Variants in EPB41L2 observed in about 807,000 individuals in gnomAD.
EPB41L2 encodes the protein band 4.1-like protein 2.
In EPB41L2, 43 loss-of-function variants were observed where a neutral mutation model predicts 113.0. The observed-to-expected ratio is 0.38, with a 90% confidence interval of 0.30 to 0.49. The LOEUF (loss-of-function observed/expected upper bound fraction) is 0.49. Among genes scored for constraint, EPB41L2 ranks in the 20% least tolerant of loss-of-function variants. The pLI is 0.95. For synonymous variants in EPB41L2, 442 were observed against 436.7 expected (o/e 1.01, Z -0.15); for missense variants, 1,147 against 1,223.4 (o/e 0.94, Z 0.93).
intron 1 of EPB41L2, among the ~76,000 whole-genome samples, chr6:131,003,749 C>T (rs770126146): frequency 4.6e-5 from 7 of 152,196 alleles, no homozygotes; most frequent in Non-Finnish European, 7.4e-5. Context: ...ATTTTCACAA[C>T]AAAATCTCCC....
At chr6:130,919,572 C>A (rs1025730234) in intron 4 of EPB41L2, among the ~76,000 whole-genome samples, 2 of 152,180 alleles carry the variant, frequency 1.3e-5, no homozygotes, top group Admixed American at 6.5e-5. Flanking sequence ...CAGCCACGTT[C>A]TCCCAATGTA....
chr6:130,930,024 C>G (rs879516426), intron 3 of EPB41L2, among the ~76,000 whole-genome samples: 1 of 152,076 alleles, frequency 6.6e-6, no homozygotes, highest in African/African-American at 2.4e-5. Context: ...CCCACTCATC[C>G]CATGAGTTAT....
intron 1 of EPB41L2, among the ~76,000 whole-genome samples, chr6:130,958,400 C>T (rs761311738): frequency 1.2e-4 from 17 of 147,332 alleles, no homozygotes; most frequent in African/African-American, 3.8e-4. Flanking sequence ...TGCAGTGAGC[C>T]GAGATTGTGT....
chr6:130,973,472 T>G (rs1308768122), intron 1 of EPB41L2, among the ~76,000 whole-genome samples: 1 of 152,210 alleles, frequency 6.6e-6, no homozygotes, highest in Admixed American at 6.5e-5. Context: ...ATACTGCTAG[T>G]GTAACTGTAA....
At chr6:131,011,321 A>G (rs1786904662) in intron 1 of EPB41L2, among the ~76,000 whole-genome samples, 1 of 152,264 alleles carries the variant, frequency 6.6e-6, no homozygotes, top group Admixed American at 6.5e-5. Flanking sequence ...GGCATCAAGC[A>G]TAAAAGACCA....
rs1265734412 is a variant in EPB41L2, at chr6:130,848,197, TCTCACACACACACA to T, written c.*6-7613_*6-7600del. ...GTCTCTCTCTGTCTCTCTCTCTCTC[TCTCACACACACACA>T]CACACACACACACACACACACACAC... On this transcript the variant is annotated intron_variant, in intron 19 of 19. Coordinates refer to ENST00000337057, the MANE Select transcript of EPB41L2 (RefSeq NM_001431.4). 8.3e-3 allele frequency among the ~76,000 whole-genome samples: 1,059 copies of T among 127,798 alleles called. 16 individuals carry two copies. Among genetic ancestry groups the T allele is most frequent in the African/African-American group, 0.028 (949 of 34,292 alleles). 83.8% of individuals were successfully genotyped at this position (127,798 alleles called of 152,430 possible). A position where few individuals can be genotyped will look rare whatever the true frequency, so the allele number is the denominator to read the frequency against.
chr6:130,939,346 C>T (rs9321259), intron 3 of EPB41L2, among the ~76,000 whole-genome samples: 14 of 151,746 alleles, frequency 9.2e-5, no homozygotes, highest in African/African-American at 3.1e-4. Flanking sequence ...CTCCGCCTGT[C>T]GGGTTCAAGC....
chr6:130,995,573 C>T (rs1782898916), intron 1 of EPB41L2, among the ~76,000 whole-genome samples: 1 of 152,214 alleles, frequency 6.6e-6, no homozygotes, highest in South Asian at 2.1e-4. Flanking sequence ...TCTTCAGGAC[C>T]TCCTGGGGCT....
At chr6:130,928,789 T>A (rs1349750095) in intron 3 of EPB41L2, among the ~76,000 whole-genome samples, 1 of 152,252 alleles carries the variant, frequency 6.6e-6, no homozygotes, top group Non-Finnish European at 1.5e-5. Flanking sequence ...AAGCATTTAC[T>A]ATTACTGCAC....
intron 3 of EPB41L2, among the ~76,000 whole-genome samples, chr6:130,954,632 A>G (rs957741000): frequency 2.0e-5 from 3 of 152,190 alleles, no homozygotes; most frequent in Non-Finnish European, 4.4e-5. Context: ...GATTAAAGTG[A>G]CTTCTGTCAG....
rs1452497196 is a variant in EPB41L2 at position 130,956,512 on chromosome 6, C to CA, written c.-14-14dup. On this transcript the variant is annotated splice_polypyrimidine_tract_variant and intron_variant, in intron 1 of 19. Coordinates refer to ENST00000337057, the MANE Select transcript of EPB41L2 (RefSeq NM_001431.4). ...GCCACAGCTTATGCTGTAATCAAAA[C>CA]AAAAATCATAAAATGTCATTTTGTA... 6.4e-7 allele frequency: 1 copy of CA among 1,565,554 alleles called. No individual in the cohort carries two copies. The highest frequency in any genetic ancestry group is 8.6e-7 in the Non-Finnish European group (1 of 1,160,220).
intron 3 of EPB41L2, among the ~76,000 whole-genome samples, chr6:130,949,532 T>G (rs1256822627): frequency 6.6e-6 from 1 of 150,850 alleles, no homozygotes; most frequent in African/African-American, 2.4e-5. Context: ...GCCACTGCAC[T>G]CCAGTCTGGG....
chr6:130,859,510 C>CAAAAAA (rs780156217), intron 18 of EPB41L2, among the ~76,000 whole-genome samples: 3 of 102,578 alleles, frequency 2.9e-5, no homozygotes, highest in Non-Finnish European at 5.9e-5. Flanking sequence ...GACTTTGTCT[C>CAAAAAA]AAAAAAAAAA....
At chr6:131,039,644 T>C (rs1794049215) in intron 1 of EPB41L2, among the ~76,000 whole-genome samples, 1 of 152,200 alleles carries the variant, frequency 6.6e-6, no homozygotes, top group South Asian at 2.1e-4. Context: ...AAAAGAAATA[T>C]TATTGCCTTT....
chr6:131,045,953 T>C (rs1415661001), intron 1 of EPB41L2, among the ~76,000 whole-genome samples: 6 of 151,408 alleles, frequency 4.0e-5, no homozygotes, highest in Non-Finnish European at 8.9e-5. Flanking sequence ...TCTCTCTTTT[T>C]TTTTTTTTTT....
Position 130,858,329 on chromosome 6 carries a change from C to G in EPB41L2, c.2911-86G>C, listed in dbSNP as rs929821252. ...CAAAACACACACACACTGATCACCT[C>G]GGACCCAACCTCAAGCCAAGAGGCA... On this transcript the variant is annotated intron_variant, in intron 18 of 19. Transcript: ENST00000337057. The G allele has an allele frequency of 3.0e-6, 3 of 1,015,772 alleles. No homozygotes were observed. The African/African-American group carries it at 4.8e-5, about 16-fold the overall frequency. 62.9% of individuals were successfully genotyped at this position (1,015,772 alleles called of 1,614,324 possible).
intron 4 of EPB41L2, among the ~76,000 whole-genome samples, chr6:130,921,914 T>G (rs1802992871): frequency 6.6e-6 from 1 of 152,214 alleles, no homozygotes; most frequent in African/African-American, 2.4e-5. Context: ...CCAACATATC[T>G]GAGGAATAGG....
At chr6:130,928,678 A>T (rs1805641559) in intron 3 of EPB41L2, among the ~76,000 whole-genome samples, 1 of 152,236 alleles carries the variant, frequency 6.6e-6, no homozygotes, top group Non-Finnish European at 1.5e-5. Flanking sequence ...AAAAACATCC[A>T]CACAGCTCAC....
chr6:130,951,176 G>C (rs1213418568), intron 3 of EPB41L2, among the ~76,000 whole-genome samples: 1 of 134,146 alleles, frequency 7.5e-6, no homozygotes, highest in African/African-American at 2.7e-5. Context: ...AAAATTGCTT[G>C]AACCCAGGAG....
Sources: allele counts gnomAD v4.1 joint callset (sites outside exome capture counted in the v4.1 genomes callset), GRCh38; gene constraint gnomAD v4.1.1; transcripts MANE v1.5; gene names NCBI Gene and HGNC (gene_info 2026-07-23, HGNC 2026-07-21).